Variants in CRY1 observed in about 807,000 individuals in gnomAD.
CRY1 encodes the protein cryptochrome circadian regulator 1, also known as cryptochrome-1.
Under a neutral mutation model 76.0 loss-of-function variants are expected in CRY1, and 45 were observed. The observed-to-expected ratio is 0.59, with a 90% CI of 0.47 to 0.76. The LOEUF is 0.76. CRY1 is among the 30% of genes least tolerant of loss of function. The probability of loss-of-function intolerance (pLI) is 0.00; values close to 1 mark genes in which losing one functional copy is unlikely to be tolerated. For synonymous variants in CRY1, 248 were observed against 244.0 expected (o/e 1.02, Z -0.15); for missense variants, 587 against 716.4 (o/e 0.82, Z 2.06).
At chr12:107,052,222 T>C (rs1194276625) in intron 1 of CRY1, among the ~76,000 whole-genome samples, 1 of 152,112 alleles carries the variant, frequency 6.6e-6, no homozygotes, top group Non-Finnish European at 1.5e-5. Context: ...CAGACAAACT[T>C]GGGAGAGTTT....
rs145176221 is a variant in CRY1 at position 107,047,768 on chromosome 12, C to T, written c.159-25576G>A. Reference sequence around the variant, plus strand: ...CCCAGTCTCAGGTATTTCTTCACAGCGGTATAAGAACAGACTAATACAAAC... The same window carrying T: ...CCCAGTCTCAGGTATTTCTTCACAGTGGTATAAGAACAGACTAATACAAAC... On this transcript the variant is annotated intron_variant, in intron 1 of 12. Coordinates refer to ENST00000008527, the MANE Select transcript of CRY1 (RefSeq NM_004075.5). 5.9e-4 allele frequency among the ~76,000 whole-genome samples: 90 copies of T among 152,142 alleles called. 2 individuals are homozygous for T. The highest frequency in any genetic ancestry group is 1.9e-3 in the African/African-American group (77 of 41,506).
At chr12:107,035,389 G>C (rs1376064027) in intron 1 of CRY1, among the ~76,000 whole-genome samples, 2 of 152,160 alleles carry the variant, frequency 1.3e-5, no homozygotes, top group Non-Finnish European at 2.9e-5. Flanking sequence ...TAATAAAGCA[G>C]AGAACAAAAT....
At chr12:107,046,972 CAG>C (rs749630922) in intron 1 of CRY1, among the ~76,000 whole-genome samples, 1 of 152,110 alleles carries the variant, frequency 6.6e-6, no homozygotes, top group Non-Finnish European at 1.5e-5. Context: ...ATCATCTAGG[CAG>C]AAGAAAATCA....
intron 1 of CRY1, among the ~76,000 whole-genome samples, chr12:107,044,712 GAATTC>G (rs1454624365): frequency 6.6e-6 from 1 of 152,040 alleles, no homozygotes; most frequent in Non-Finnish European, 1.5e-5. Context: ...TGTAGCTGAA[GAATTC>G]AATAAATGAA....
rs545895133 is a variant in CRY1, at chr12:107,079,323, C to T, written c.158+13481G>A. On this transcript the variant is annotated intron_variant, in intron 1 of 12. Coordinates refer to ENST00000008527, the MANE Select transcript of CRY1 (RefSeq NM_004075.5). ...TGTATGCTTTTTGCTGAGATAAATG[C>T]CATTGTTATTGCTATATTTTGCCAC... is the stretch of plus-strand genomic sequence containing the variant. 4.6e-5 allele frequency among the ~76,000 whole-genome samples: 7 copies of T among 152,162 alleles called. No individual in the cohort carries two copies. The South Asian group carries it at 1.2e-3, about 27-fold the overall frequency.
intron 3 of CRY1, among the ~76,000 whole-genome samples, chr12:107,004,638 T>C (rs1593496444): frequency 1.3e-5 from 2 of 152,340 alleles, no homozygotes; most frequent in South Asian, 2.1e-4. Flanking sequence ...TGCAATGTTA[T>C]ATTACATCCA....
intron 1 of CRY1, among the ~76,000 whole-genome samples, chr12:107,028,181 G>A (rs904884194): frequency 1.3e-5 from 2 of 151,948 alleles, no homozygotes; most frequent in Admixed American, 6.6e-5. Context: ...GAAAAAAAAT[G>A]GAGATTCTCA....
At chr12:107,074,033 C>G (rs555280464) in intron 1 of CRY1, among the ~76,000 whole-genome samples, 2 of 152,272 alleles carry the variant, frequency 1.3e-5, no homozygotes, top group African/African-American at 4.8e-5. Flanking sequence ...CATGGGATCT[C>G]AAAATATAAT....
chr12:107,029,685 G>C (rs1403617287), intron 1 of CRY1, among the ~76,000 whole-genome samples: 6 of 151,454 alleles, frequency 4.0e-5, no homozygotes, highest in Admixed American at 3.9e-4. Flanking sequence ...GTTTGAAGGA[G>C]TGATACTGTT....
At chr12:107,036,010 GCTC>G (rs1480646892) in intron 1 of CRY1, among the ~76,000 whole-genome samples, 1 of 152,186 alleles carries the variant, frequency 6.6e-6, no homozygotes, top group Non-Finnish European at 1.5e-5. Flanking sequence ...GTTCACTGCA[GCTC>G]CAGCTAGTTA....
At chr12:107,064,136 C>T (rs1025876272) in intron 1 of CRY1, among the ~76,000 whole-genome samples, 13 of 152,006 alleles carry the variant, frequency 8.6e-5, no homozygotes, top group Middle Eastern at 3.4e-3. Context: ...GAATACTATT[C>T]GACCTTTAAA....
intron 1 of CRY1, among the ~76,000 whole-genome samples, chr12:107,056,951 T>C (rs1952990483): frequency 6.6e-6 from 1 of 152,032 alleles, no homozygotes; most frequent in African/African-American, 2.4e-5. Flanking sequence ...TGATAAAAGA[T>C]AAAAGAGTTT....
intron 1 of CRY1, among the ~76,000 whole-genome samples, chr12:107,052,561 G>T (rs1179435638): frequency 6.6e-6 from 1 of 152,116 alleles, no homozygotes; most frequent in Non-Finnish European, 1.5e-5. Context: ...AAAGTTAAAG[G>T]GGAAACTGGG....
In CRY1 at chr12:107,010,120, C is replaced by A. The variant is rs990052864; in HGVS notation, c.268-4872G>T. On this transcript the variant is annotated intron_variant, in intron 2 of 12. Coordinates refer to ENST00000008527, the MANE Select transcript of CRY1 (RefSeq NM_004075.5). ...CTTATGAGAGTTCTAGTAAATTATA[C>A]CTTTCAAGAAATTTTTTCATCTCAG... is the stretch of plus-strand genomic sequence containing the variant. Among the ~76,000 whole-genome samples the A allele has an allele frequency of 3.4e-5, 4 of 116,526 alleles. No individual in the cohort carries two copies. The Admixed American group carries it at 3.9e-4, about 11-fold the overall frequency. The allele number at this position is 116,526 out of a possible 152,430, so 76.4% of individuals were successfully genotyped here.
chr12:107,085,619 A>G (rs1273355267), intron 1 of CRY1, among the ~76,000 whole-genome samples: 1 of 152,162 alleles, frequency 6.6e-6, no homozygotes, highest in Non-Finnish European at 1.5e-5. Flanking sequence ...ATGAGAACAC[A>G]TGGACACGGG....
intron 2 of CRY1, among the ~76,000 whole-genome samples, chr12:107,006,531 T>C (rs12317709): frequency 0.016 from 2,434 of 152,066 alleles, 68 homozygotes; most frequent in African/African-American, 0.056. Flanking sequence ...AAAATTCTGA[T>C]AGGCTGTCAA....
chr12:107,072,679 T>G (rs1953204191), intron 1 of CRY1, among the ~76,000 whole-genome samples: 1 of 152,214 alleles, frequency 6.6e-6, no homozygotes, highest in South Asian at 2.1e-4. Context: ...ATGTCAAAGT[T>G]TCCATGTAAA....
intron 10 of CRY1, among the ~76,000 whole-genome samples, chr12:106,995,132 G>T (rs970978933): frequency 3.9e-5 from 6 of 152,176 alleles, no homozygotes; most frequent in African/African-American, 1.4e-4. Context: ...TGGGATCTTG[G>T]TTAAGTTACC....
rs937260345 is a variant in CRY1, at chr12:107,005,255, T to G, written c.268-7A>C. The G allele has an allele frequency of 2.6e-5, 42 of 1,606,320 alleles. No individual in the cohort carries two copies. The highest frequency in any genetic ancestry group is 1.2e-4 in the Admixed American group (7 of 58,986). On this transcript the variant is annotated splice_polypyrimidine_tract_variant and splice_region_variant and intron_variant, in intron 2 of 12. Coordinates refer to ENST00000008527, the MANE Select transcript of CRY1 (RefSeq NM_004075.5). ...GTTTAGTAATGTTCCATTCCTAAAG[T>G]AAGAGAAAGGGGAACAATGTACACC...
Sources: gnomAD v4.1 joint callset for allele counts (sites outside exome capture counted in the v4.1 genomes callset) on GRCh38, gnomAD v4.1.1 for gene constraint, MANE v1.5 for transcripts, NCBI Gene and HGNC (gene_info 2026-07-23, HGNC 2026-07-21) for gene names.